Variants in GATA4 observed in about 807,000 individuals in gnomAD.
GATA4 encodes the protein transcription factor GATA-4.
In GATA4, 7 loss-of-function variants were observed where a neutral mutation model predicts 37.9. That is an observed-to-expected ratio of 0.18 (90% CI 0.11 to 0.35). The LOEUF is 0.35. GATA4 is among the 10% of genes least tolerant of loss of function. GATA4 has a pLI of 1.00. For missense variants in GATA4, 647 were observed against 653.0 expected, an observed-to-expected ratio of 0.99 and a Z score of 0.10; for synonymous variants, 372 against 292.6, an observed-to-expected ratio of 1.27 and a Z score of -2.77.
At chr8:11,756,650 T>C in intron 5 of GATA4, 1 of 511,408 alleles carries the variant, frequency 2.0e-6, no homozygotes, top group Admixed American at 3.2e-5. Context: ...TACACAGTAT[T>C]TGGATTTTTA....
At chr8:11,756,164 A>C (rs752892777) in intron 5 of GATA4, among the ~76,000 whole-genome samples, 7 of 152,194 alleles carry the variant, frequency 4.6e-5, no homozygotes, top group Non-Finnish European at 8.8e-5. Flanking sequence ...GAATTGGCTG[A>C]TCTGACGAAA....
chr8:11,711,942 G>A (rs1335761999), intron 2 of GATA4, among the ~76,000 whole-genome samples: 1 of 152,056 alleles, frequency 6.6e-6, no homozygotes, highest in African/African-American at 2.4e-5. Context: ...GCCCTAAGAT[G>A]GCCAGACAGT....
chr8:11,727,457 G>A (rs550406684), intron 2 of GATA4, among the ~76,000 whole-genome samples: 2 of 152,154 alleles, frequency 1.3e-5, no homozygotes, highest in Admixed American at 6.5e-5. Flanking sequence ...TAATCTTTAT[G>A]GGGACCGCCA....
intron 1 of GATA4, chr8:11,694,511 C>T: frequency 1.0e-6 from 1 of 985,436 alleles, no homozygotes; most frequent in South Asian, 4.7e-5. Context: ...TTTCCCTTGC[C>T]ACCTTTTGGT....
At position 11,678,278 on chromosome 8, in the gene GATA4, G is replaced by C. The variant is rs1362551993; in HGVS notation, c.-274+1215G>C. ...GTAGGATTGAGGGCAAAGCCTCTCA[G>C]TCCTGGTGTACCTATTACAAATATT... is the stretch of plus-strand genomic sequence containing the variant. On this transcript the variant is annotated intron_variant, in intron 1 of 6. Coordinates refer to the GATA4 transcript ENST00000528712. Among the ~76,000 whole-genome samples the C allele has an allele frequency of 3.3e-5, 5 of 152,152 alleles. No individual in the cohort carries two copies. In the East Asian group the frequency reaches 5.8e-4, roughly 18 times the overall value.
chr8:11,697,710 C>T, intron 1 of GATA4: 1 of 985,474 alleles, frequency 1.0e-6, no homozygotes, highest in Non-Finnish European at 1.2e-6. Context: ...GGGCTTCGCG[C>T]TTCCTTGACA....
At chr8:11,737,654 C>G (rs1801527589) in intron 2 of GATA4, among the ~76,000 whole-genome samples, 1 of 152,202 alleles carries the variant, frequency 6.6e-6, no homozygotes, top group Non-Finnish European at 1.5e-5. Context: ...TGAAAGATGA[C>G]AGCGGGTCAA....
chr8:11,681,174 G>C (rs1437841271), intron 1 of GATA4: 1 of 985,282 alleles, frequency 1.0e-6, no homozygotes, highest in Non-Finnish European at 1.2e-6. Flanking sequence ...AGAACCTTCG[G>C]GGGTTAGTCA....
At chr8:11,681,364 T>C (rs556823453) in intron 1 of GATA4, 12 of 985,276 alleles carry the variant, frequency 1.2e-5, no homozygotes, top group Middle Eastern at 5.2e-4. Flanking sequence ...CTCGTCCCCC[T>C]AGGTCTCATA....
chr8:11,746,854 T>C (rs1802058381), intron 2 of GATA4, among the ~76,000 whole-genome samples: 1 of 152,264 alleles, frequency 6.6e-6, no homozygotes, highest in Admixed American at 6.5e-5. Context: ...CTCCGCTCCC[T>C]GGCCTGAGCA....
rs1466505122 is a variant in GATA4, at chr8:11,709,800, C to A, written c.616+872C>A. On this transcript the variant is annotated intron_variant, in intron 2 of 6. Transcript: ENST00000532059. The surrounding 1 kb of genome is among the most constrained non-coding windows in gnomAD (Gnocchi z 4.3). ...GACGGCAAACCTGTCTCAACCTCCA[C>A]TGATTCACAAATAAACGCAGCGGGA... Among the ~76,000 whole-genome samples the A allele has an allele frequency of 1.3e-5, 2 of 152,190 alleles. No homozygotes were observed. Among genetic ancestry groups the A allele is most frequent in the Non-Finnish European group, 2.9e-5 (2 of 68,020 alleles).
At chr8:11,706,235 T>C (rs1799883278) in intron 1 of GATA4, among the ~76,000 whole-genome samples, 1 of 152,232 alleles carries the variant, frequency 6.6e-6, no homozygotes, top group Non-Finnish European at 1.5e-5. Flanking sequence ...TATTCCATTA[T>C]TATTACTAGT....
At chr8:11,736,206 G>C (rs1801445482) in intron 2 of GATA4, among the ~76,000 whole-genome samples, 1 of 152,204 alleles carries the variant, frequency 6.6e-6, no homozygotes. Flanking sequence ...TGCCTGGCCT[G>C]TTTGAATTTT....
At chr8:11,738,260 A>G (rs1323384845) in intron 2 of GATA4, among the ~76,000 whole-genome samples, 1 of 152,092 alleles carries the variant, frequency 6.6e-6, no homozygotes, top group Non-Finnish European at 1.5e-5. Context: ...AAGGTACACA[A>G]CAGCAAACAA....
At chr8:11,695,567 C>T (rs1230051970) in intron 1 of GATA4, among the ~76,000 whole-genome samples, 1 of 152,200 alleles carries the variant, frequency 6.6e-6, no homozygotes, top group Non-Finnish European at 1.5e-5. Context: ...TCTTTCAAGG[C>T]CAGTCCTTGG....
chr8:11,747,731 A>G (rs932368724), intron 2 of GATA4, among the ~76,000 whole-genome samples: 1 of 152,244 alleles, frequency 6.6e-6, no homozygotes, highest in Non-Finnish European at 1.5e-5. Context: ...TTATGAAACA[A>G]GAATCCAAAA....
In GATA4 at chr8:11,749,863, T is replaced by C. The variant is rs3735816; in HGVS notation, c.787-248T>C. Reference sequence around the variant, plus strand: ...CCTGACGGTGAATGATGGTTAGGACTGGAAACCAGGTCTCGATGCCCACGT... The same window carrying C: ...CCTGACGGTGAATGATGGTTAGGACCGGAAACCAGGTCTCGATGCCCACGT... On this transcript the variant is annotated intron_variant, in intron 3 of 6. Coordinates refer to ENST00000532059, the MANE Select transcript of GATA4 (RefSeq NM_001308093.3). The surrounding 1 kb of genome is among the most constrained non-coding windows in gnomAD (Gnocchi z 4.6). 0.42 allele frequency among the ~76,000 whole-genome samples: 63,820 copies of C among 152,178 alleles called. 15,057 individuals are homozygous for C. Among genetic ancestry groups the C allele is most frequent in the East Asian group, 0.65 (3,335 of 5,162 alleles).
At chr8:11,730,331 G>A (rs529140117) in intron 2 of GATA4, among the ~76,000 whole-genome samples, 10 of 152,320 alleles carry the variant, frequency 6.6e-5, no homozygotes, top group African/African-American at 1.9e-4. Flanking sequence ...TTCGATTCTT[G>A]TGAAGATGAG....
chr8:11,742,976 G>A (rs541687813), intron 2 of GATA4, among the ~76,000 whole-genome samples: 20 of 152,372 alleles, frequency 1.3e-4, no homozygotes, highest in Admixed American at 1.0e-3. Flanking sequence ...GTCTGGGCTG[G>A]GGTCTGGCCT....
Sources: allele counts gnomAD v4.1 joint callset (sites outside exome capture counted in the v4.1 genomes callset), GRCh38; gene constraint gnomAD v4.1.1; non-coding constraint Gnocchi (gnomAD v3.1); transcripts MANE v1.5; gene names NCBI Gene and HGNC (gene_info 2026-07-23, HGNC 2026-07-21).